P3H2: variants seen among roughly 807,000 people sequenced by gnomAD.
P3H2 encodes prolyl 3-hydroxylase 2, also known as leprecan-like 1.
A neutral mutation model predicts 87.0 loss-of-function variants in P3H2; 80 were observed. The ratio of observed to expected loss-of-function variants is 0.92; its 90% CI spans 0.77 to 1.11. The LOEUF (loss-of-function observed/expected upper bound fraction) is 1.11. Ranked by LOEUF, P3H2 falls within the 50% of genes least tolerant of loss-of-function variation. P3H2 has a pLI of 0.00. For synonymous variants in P3H2, 367 were observed against 359.3 expected, an observed-to-expected ratio of 1.02 and a Z score of -0.24; for missense variants, 1,001 against 923.9, an observed-to-expected ratio of 1.08 and a Z score of -1.08.
At chr3:190,060,913 ATTTT>A (rs2108966594) in intron 1 of P3H2, among the ~76,000 whole-genome samples, 1 of 152,002 alleles carries the variant, frequency 6.6e-6, no homozygotes, top group African/African-American at 2.4e-5. Flanking sequence ...TGCTTTATTT[ATTTT>A]TTATTTTCTT....
chr3:189,984,426 A>C, intron 7 of P3H2, 124 bp downstream of exon 7: 1 of 780,416 alleles, frequency 1.3e-6, no homozygotes, highest in Non-Finnish European at 2.2e-6. Context: ...CTCCTAATTC[A>C]GAGCTTAGAA....
intron 1 of P3H2, among the ~76,000 whole-genome samples, chr3:190,109,967 G>A (rs112454940): frequency 0.13 from 18,727 of 149,632 alleles, 1,286 homozygotes; most frequent in Middle Eastern, 0.21. Flanking sequence ...TCCCACCTCA[G>A]CCTCCCTAGT....
chr3:190,103,504 C>A (rs1200565625), intron 1 of P3H2, among the ~76,000 whole-genome samples: 1 of 152,104 alleles, frequency 6.6e-6, no homozygotes, highest in Non-Finnish European at 1.5e-5. Context: ...TGTTAACTAT[C>A]TTATTGGGAA....
Position 190,018,474 on chromosome 3 carries a change from G to C in P3H2, c.481-23032C>G, listed in dbSNP as rs985657018. On this transcript the variant is annotated intron_variant, in intron 1 of 14. Transcript: ENST00000319332. ...TGTAATCCCAAAACTTTGGGAGGCT[G>C]AGGAGGGAGGATTGCTTGAGGCGAG... Among the ~76,000 whole-genome samples the C allele has an allele frequency of 1.7e-4, 26 of 152,156 alleles. 1 individual carries two copies. The highest frequency in any genetic ancestry group is 7.4e-5 in the Non-Finnish European group (5 of 68,024).
At chr3:190,004,452 G>C (rs997025536) in intron 1 of P3H2, among the ~76,000 whole-genome samples, 2 of 151,984 alleles carry the variant, frequency 1.3e-5, no homozygotes, top group African/African-American at 2.4e-5. Flanking sequence ...GCGGGATCTC[G>C]GCTCACTGCA....
intron 1 of P3H2, among the ~76,000 whole-genome samples, chr3:190,033,244 C>T (rs1162000185): frequency 6.6e-6 from 1 of 152,196 alleles, no homozygotes; most frequent in East Asian, 1.9e-4. Flanking sequence ...CTGTGTGGCC[C>T]AGTTCCTAAT....
intron 13 of P3H2, among the ~76,000 whole-genome samples, chr3:189,968,020 A>C (rs1723052687): frequency 6.6e-6 from 1 of 152,204 alleles, no homozygotes; most frequent in Non-Finnish European, 1.5e-5. Context: ...AAAACTTTGA[A>C]GTTTATCACA....
At chr3:189,966,903 T>C (rs1282992018) in intron 13 of P3H2, among the ~76,000 whole-genome samples, 7 of 152,212 alleles carry the variant, frequency 4.6e-5, no homozygotes, top group Admixed American at 2.6e-4. Context: ...TTAATAAAAG[T>C]AAAATTTCAG....
chr3:190,001,227 C>T (rs1290625290), intron 1 of P3H2, among the ~76,000 whole-genome samples: 1 of 152,162 alleles, frequency 6.6e-6, no homozygotes, highest in East Asian at 1.9e-4. Flanking sequence ...AAATTAAGAA[C>T]AACTTGTAAG....
intron 1 of P3H2, among the ~76,000 whole-genome samples, chr3:190,009,106 C>T (rs1429607811): frequency 2.0e-5 from 3 of 152,036 alleles, no homozygotes; most frequent in Non-Finnish European, 2.9e-5. Context: ...ATGAGTAAGA[C>T]ACAGAGGAAA....
chr3:190,031,623 C>T (rs2048501683), intron 1 of P3H2, among the ~76,000 whole-genome samples: 2 of 136,034 alleles, frequency 1.5e-5, no homozygotes, highest in African/African-American at 2.8e-5. Context: ...TGTGAGAAAG[C>T]GAGACTCCAT....
At chr3:190,015,813 G>A (rs1161259937) in intron 1 of P3H2, among the ~76,000 whole-genome samples, 1 of 152,134 alleles carries the variant, frequency 6.6e-6, no homozygotes, top group Non-Finnish European at 1.5e-5. Flanking sequence ...GATCATAATT[G>A]CTACACCCTG....
chr3:190,028,697 A>AT (rs1725160673), intron 1 of P3H2, among the ~76,000 whole-genome samples: 1 of 152,108 alleles, frequency 6.6e-6, no homozygotes, highest in Non-Finnish European at 1.5e-5. Context: ...TTTTACAATG[A>AT]TTTTATTATT....
Position 189,962,161 on chromosome 3 carries a change from C to CTTTTTTTTT in P3H2, c.2034+1788_2034+1796dup, listed in dbSNP as rs770628547. ...GCCTTTCTTTCTTTTTCTTCTTCTT[C>CTTTTTTTTT]TTTTTTTTTTTTTTTTTTTTTTTTA... is the stretch of plus-strand genomic sequence containing the variant. On this transcript the variant is annotated intron_variant, in intron 14 of 14. Transcript: ENST00000319332. 7.9e-3 allele frequency among the ~76,000 whole-genome samples: 696 copies of CTTTTTTTTT among 87,570 alleles called. 20 individuals carry two copies. The highest frequency in any genetic ancestry group is 9.6e-3 in the African/African-American group (203 of 21,160). 57.4% of individuals were successfully genotyped at this position (87,570 alleles called of 152,430 possible).
chr3:190,076,473 T>C (rs1301715934), intron 1 of P3H2, among the ~76,000 whole-genome samples: 1 of 152,180 alleles, frequency 6.6e-6, no homozygotes, highest in Non-Finnish European at 1.5e-5. Flanking sequence ...CAGCTATTAC[T>C]ACAGCTGCAG....
chr3:190,034,150 C>T (rs1378786499), intron 1 of P3H2, among the ~76,000 whole-genome samples: 1 of 152,124 alleles, frequency 6.6e-6, no homozygotes, highest in African/African-American at 2.4e-5. Context: ...TAAAAATGTG[C>T]ATAGACCTCT....
chr3:190,014,891 G>A lies in P3H2; in HGVS notation c.481-19449C>T, dbSNP rs78549276. Among the ~76,000 whole-genome samples, 848 of 152,306 alleles carry A rather than the reference G, an allele frequency of 5.6e-3. 9 individuals carry two copies. Among genetic ancestry groups the A allele is most frequent in the African/African-American group, 0.019 (790 of 41,566 alleles). ...GAATGTGTAAGACCAGACATCAGAA[G>A]AGAGGAATTCTAGTTTTGGCTCTGC... On this transcript the variant is annotated intron_variant, in intron 1 of 14. Coordinates refer to ENST00000319332, the MANE Select transcript of P3H2 (RefSeq NM_018192.4).
chr3:190,033,104 A>G (rs1250662962), intron 1 of P3H2, among the ~76,000 whole-genome samples: 1 of 152,128 alleles, frequency 6.6e-6, no homozygotes, highest in Non-Finnish European at 1.5e-5. Context: ...AAAGTTCACA[A>G]TAGCGCTCGC....
intron 1 of P3H2, among the ~76,000 whole-genome samples, chr3:190,033,799 C>T (rs962052927): frequency 6.6e-6 from 1 of 152,176 alleles, no homozygotes; most frequent in Non-Finnish European, 1.5e-5. Context: ...GACCTCCTAT[C>T]CTAAAATCCC....
Sources: allele counts gnomAD v4.1 joint callset (sites outside exome capture counted in the v4.1 genomes callset), GRCh38; gene constraint gnomAD v4.1.1; transcripts MANE v1.5; gene names NCBI Gene and HGNC (gene_info 2026-07-23, HGNC 2026-07-21).